The following PACS1 variants were observed in gnomAD, a reference collection of about 807,000 sequenced individuals.
The protein encoded by PACS1 is PACS-1.
In PACS1, 24 loss-of-function variants were observed where a neutral mutation model predicts 115.0. That is an observed-to-expected ratio of 0.21 (90% confidence interval 0.15 to 0.29). PACS1 has a LOEUF of 0.29. Ranked by LOEUF, PACS1 falls within the 10% of genes least tolerant of loss-of-function variation. The pLI, the probability that PACS1 is intolerant of heterozygous loss-of-function variation, is 1.00. For synonymous variants in PACS1, 453 were observed against 504.5 expected (o/e 0.90, Z 1.37); for missense variants, 838 against 1,251.2 (o/e 0.67, Z 4.98).
intron 2 of PACS1, among the ~76,000 whole-genome samples, chr11:66,198,014 A>G (rs1854687124): frequency 6.6e-6 from 1 of 152,242 alleles, no homozygotes; most frequent in South Asian, 2.1e-4. Context: ...ATGTAAAACT[A>G]TGCCATCTCC....
chr11:66,092,885 T>C (rs1857693324), intron 1 of PACS1, among the ~76,000 whole-genome samples: 1 of 152,234 alleles, frequency 6.6e-6, no homozygotes, highest in South Asian at 2.1e-4. Flanking sequence ...GATCTATATC[T>C]CTGTTTGGTA....
intron 1 of PACS1, among the ~76,000 whole-genome samples, chr11:66,101,846 A>AAAGC (rs1857927158): frequency 6.6e-6 from 1 of 152,230 alleles, no homozygotes; most frequent in Non-Finnish European, 1.5e-5. Context: ...TGTCTCGCTT[A>AAAGC]GCATCACTTG....
chr11:66,105,541 C>A (rs1858018850), intron 1 of PACS1, among the ~76,000 whole-genome samples: 2 of 152,142 alleles, frequency 1.3e-5, no homozygotes, highest in Non-Finnish European at 2.9e-5. Flanking sequence ...TGGACAAAGA[C>A]TGGAAGATAA....
chr11:66,089,019 T>C (rs1241428999), intron 1 of PACS1, among the ~76,000 whole-genome samples: 1 of 152,204 alleles, frequency 6.6e-6, no homozygotes. Flanking sequence ...TTTTGTATGC[T>C]TTTTCTTATA....
At chr11:66,224,682 A>G (rs777266609) in intron 10 of PACS1, among the ~76,000 whole-genome samples, 2 of 152,078 alleles carry the variant, frequency 1.3e-5, no homozygotes, top group African/African-American at 4.8e-5. Context: ...AGAGCCCCAT[A>G]TGTCTGGATG....
intron 4 of PACS1, among the ~76,000 whole-genome samples, chr11:66,215,906 AATAATAAT>A (rs1301488730): frequency 1.4e-4 from 2 of 14,742 alleles, no homozygotes; most frequent in Non-Finnish European, 4.7e-4. Flanking sequence ...TCTCAAAAAT[AATAATAAT>A]AATAATAATA....
chr11:66,223,538 T>G (rs1855404687), intron 10 of PACS1, among the ~76,000 whole-genome samples: 1 of 152,166 alleles, frequency 6.6e-6, no homozygotes, highest in East Asian at 1.9e-4. Flanking sequence ...TGAATGGCCC[T>G]GCTGAATTGA....
chr11:66,237,180 G>A (rs1855722018), intron 19 of PACS1, among the ~76,000 whole-genome samples: 1 of 152,218 alleles, frequency 6.6e-6, no homozygotes, highest in African/African-American at 2.4e-5. Context: ...GCCTCCCAAA[G>A]TGCTGGGATT....
intron 1 of PACS1, among the ~76,000 whole-genome samples, chr11:66,086,675 G>A (rs1857575999): frequency 6.6e-6 from 1 of 152,194 alleles, no homozygotes; most frequent in African/African-American, 2.4e-5. Context: ...GAGTGTAGTA[G>A]TGTGATCTCA....
At chr11:66,226,720 A>C (rs1855475952) in intron 10 of PACS1, among the ~76,000 whole-genome samples, 1 of 152,202 alleles carries the variant, frequency 6.6e-6, no homozygotes. Flanking sequence ...AGGAAGTGGG[A>C]TATCATTTAT....
At chr11:66,201,876 C>A (rs539700654) in intron 2 of PACS1, among the ~76,000 whole-genome samples, 1 of 152,134 alleles carries the variant, frequency 6.6e-6, no homozygotes, top group East Asian at 1.9e-4. Flanking sequence ...CCAGGCTGGT[C>A]TTGAACTCCC....
chr11:66,113,348 G>C (rs182354718), intron 1 of PACS1, among the ~76,000 whole-genome samples: 14 of 152,258 alleles, frequency 9.2e-5, no homozygotes, highest in African/African-American at 1.2e-4. Context: ...TCCTGTTTCT[G>C]AATCAGTTCC....
In PACS1 at chr11:66,236,917, A is replaced by G. The variant is rs1326989707; in HGVS notation, c.2250+977A>G. 6.6e-6 allele frequency among the ~76,000 whole-genome samples: 1 copy of G among 151,712 alleles called. No homozygotes were observed. Among genetic ancestry groups the G allele is most frequent in the Non-Finnish European group, 1.5e-5 (1 of 67,958 alleles). On this transcript the variant is annotated intron_variant, in intron 19 of 23. Coordinates refer to ENST00000320580, the MANE Select transcript of PACS1 (RefSeq NM_018026.4). This position sits in a 1 kb window ranked among gnomAD's most constrained non-coding sequence, Gnocchi z 4.2. Reference sequence around the variant, plus strand: ...GCTGGGACCATAGGTACATGCCACCACGCCTGGCTAATTTTTTTTTGAGAC... The same window carrying G: ...GCTGGGACCATAGGTACATGCCACCGCGCCTGGCTAATTTTTTTTTGAGAC...
At chr11:66,179,631 C>T (rs1001910198) in intron 1 of PACS1, among the ~76,000 whole-genome samples, 1 of 152,168 alleles carries the variant, frequency 6.6e-6, no homozygotes, top group Non-Finnish European at 1.5e-5. Flanking sequence ...TCTGTTATCT[C>T]TTTGGACCTC....
chr11:66,240,907 A>C (rs547588257), intron 21 of PACS1: 1 of 152,428 alleles, frequency 6.6e-6, no homozygotes, highest in Non-Finnish European at 1.5e-5. Context: ...CCGGGAGCTA[A>C]AATTATCGCT....
chr11:66,085,424 G>A (rs1178191279), intron 1 of PACS1, among the ~76,000 whole-genome samples: 2 of 152,212 alleles, frequency 1.3e-5, no homozygotes, highest in African/African-American at 4.8e-5. Flanking sequence ...AGAGTTTGCA[G>A]TTTGAACTCC....
chr11:66,168,784 A>C lies in PACS1; in HGVS notation c.357-24702A>C, dbSNP rs75071174. On this transcript the variant is annotated intron_variant, in intron 1 of 23. Transcript: ENST00000320580. ...TGTGTGTGTGTGTGTGTGTGTATACATTTACACACATTTACATTTTTTAAT... is the reference window on the plus strand; with the variant it reads ...TGTGTGTGTGTGTGTGTGTGTATACCTTTACACACATTTACATTTTTTAAT... Among the ~76,000 whole-genome samples the C allele has an allele frequency of 8.4e-3, 1,253 of 148,978 alleles. 90 individuals carry two copies. In the East Asian group the frequency reaches 0.17, roughly 20 times the overall value.
At position 66,216,121 on chromosome 11, in the gene PACS1, G is replaced by C; in HGVS notation, c.663G>C (p.Val221=). The part of the protein sequence containing the change: ...LAVGLINMAE[V]MQHPNEGALV... ...CCACCACCTCCCCTGGCTCCTAGGT[G>C]ATGCAGCATCCTAATGAAGGCGCAC... The change falls in exon 5 of 24, where the codon GTG becomes GTC. Residue 221 remains valine (V), a splice_region_variant and synonymous_variant. Coordinates refer to ENST00000320580, the MANE Select transcript of PACS1 (RefSeq NM_018026.4). 6.2e-7 allele frequency: 1 copy of C among 1,613,858 alleles called. No individual in the cohort carries two copies. Among genetic ancestry groups the C allele is most frequent in the Non-Finnish European group, 8.5e-7 (1 of 1,179,940 alleles).
chr11:66,221,078 C>T, intron 9 of PACS1, 76 bp from the exon 10 acceptor site: 3 of 1,374,872 alleles, frequency 2.2e-6, no homozygotes, highest in Non-Finnish European at 3.1e-6. Context: ...ACCCTGAATG[C>T]CAGCTCCATT....
Sources: gnomAD v4.1 joint callset for allele counts (sites outside exome capture counted in the v4.1 genomes callset) on GRCh38, gnomAD v4.1.1 for gene constraint, Gnocchi (gnomAD v3.1) non-coding constraint, MANE v1.5 for transcripts, NCBI Gene and HGNC (gene_info 2026-07-23, HGNC 2026-07-21) for gene names.